DORIP1: variants seen among roughly 807,000 people sequenced by gnomAD.
DORIP1 encodes the protein dopamine receptor-interacting protein 1.
chr14:44,905,154 C>T, the DORIP1 span: 2 of 370,352 alleles, frequency 5.4e-6, no homozygotes, highest in Non-Finnish European at 4.8e-6. Context: ...AAGAAACATA[C>T]AGGTTATAAG....
the DORIP1 span, chr14:44,904,609 TAAG>T: frequency 3.8e-6 from 5 of 1,312,200 alleles, no homozygotes; most frequent in Non-Finnish European, 5.1e-6. Flanking sequence ...GACTAGCCCT[TAAG>T]AGATATTGTT....
At chr14:44,904,493 CG>C in the DORIP1 span, 1 of 1,610,756 alleles carries the variant, frequency 6.2e-7, no homozygotes, top group South Asian at 1.1e-5. Context: ...GAAGATCTGG[CG>C]TATGTACCCT....
the DORIP1 span, chr14:44,900,361 C>A: frequency 7.9e-7 from 1 of 1,258,000 alleles, no homozygotes; most frequent in Non-Finnish European, 1.1e-6. Context: ...GATTTATTTT[C>A]GTTTAAACAT....
the DORIP1 span, chr14:44,904,767 C>G: frequency 0.034 from 11,801 of 347,652 alleles, 264 homozygotes; most frequent in Non-Finnish European, 0.043. Flanking sequence ...CTAGCCCCAT[C>G]TTTTATAAGT....
chr14:44,898,680 A>G, the DORIP1 span, among the ~76,000 whole-genome samples: 5 of 152,156 alleles, frequency 3.3e-5, no homozygotes, highest in African/African-American at 1.2e-4. Context: ...TAGGCTGCAG[A>G]TTTGCCACAC....
At chr14:44,899,572 G>GT in the DORIP1 span, among the ~76,000 whole-genome samples, 10,291 of 145,770 alleles carry the variant, frequency 0.071, 852 homozygotes, top group African/African-American at 0.21. Flanking sequence ...AGCAACAGGA[G>GT]TTTTTTTTTT....
chr14:44,901,507 C>A, the DORIP1 span, among the ~76,000 whole-genome samples: 3 of 152,272 alleles, frequency 2.0e-5, no homozygotes, highest in Admixed American at 2.0e-4. Flanking sequence ...CAGCTGATAA[C>A]CTTGTCAGTA....
the DORIP1 span, among the ~76,000 whole-genome samples, chr14:44,900,204 A>G: frequency 2.0e-5 from 3 of 152,108 alleles, no homozygotes; most frequent in African/African-American, 7.2e-5. Flanking sequence ...AAAGCCTATC[A>G]AATGGCCATC....
the DORIP1 span, chr14:44,903,242 G>A: frequency 1.2e-5 from 19 of 1,613,396 alleles, no homozygotes; most frequent in East Asian, 3.8e-4. Context: ...AACTTGATAA[G>A]ACTGGCTGTG....
At chr14:44,903,174 G>A in the DORIP1 span, 2 of 1,434,658 alleles carry the variant, frequency 1.4e-6, no homozygotes, top group Non-Finnish European at 2.0e-6. Context: ...AAATGTTGAA[G>A]CAGTTCTTAC....
the DORIP1 span, chr14:44,903,436 A>G: frequency 2.0e-5 from 29 of 1,415,402 alleles, no homozygotes; most frequent in Non-Finnish European, 2.0e-5. Context: ...GTTACGGAGT[A>G]TATCACTACA....
the DORIP1 span, among the ~76,000 whole-genome samples, chr14:44,899,572 G>T: frequency 3.4e-5 from 5 of 145,996 alleles, no homozygotes; most frequent in African/African-American, 1.2e-4. Context: ...AGCAACAGGA[G>T]TTTTTTTTTT....
At chr14:44,899,495 T>C in the DORIP1 span, among the ~76,000 whole-genome samples, 1 of 152,206 alleles carries the variant, frequency 6.6e-6, no homozygotes, top group Admixed American at 6.5e-5. Flanking sequence ...CACTTAAGAT[T>C]GATTTTCATG....
At chr14:44,905,256 G>A in the DORIP1 span, 1 of 679,350 alleles carries the variant, frequency 1.5e-6, no homozygotes, top group East Asian at 3.0e-5. Context: ...CTTTTTCAGG[G>A]AACAGAATAC....
At chr14:44,899,020 T>G in the DORIP1 span, 2 of 152,314 alleles carry the variant, frequency 1.3e-5, no homozygotes, top group Admixed American at 6.5e-5. Flanking sequence ...CATTTCTCTG[T>G]TTCCACTCCT....
the DORIP1 span, chr14:44,905,687 C>A: frequency 1.8e-6 from 1 of 547,996 alleles, no homozygotes; most frequent in Non-Finnish European, 2.9e-6. Flanking sequence ...CAGTGTTTAA[C>A]CCCAGGTAAA....
chr14:44,900,766 G>A, the DORIP1 span: 1 of 1,614,038 alleles, frequency 6.2e-7, no homozygotes, highest in Non-Finnish European at 8.5e-7. Flanking sequence ...TTGGATTTGG[G>A]ACAAGATGGA....
At chr14:44,898,949 T>A in the DORIP1 span, 1 of 152,220 alleles carries the variant, frequency 6.6e-6, no homozygotes, top group East Asian at 1.9e-4. Flanking sequence ...GTTCATGTTG[T>A]GTTTGGGAGG....
the DORIP1 span, chr14:44,906,252 T>C: frequency 6.6e-6 from 1 of 152,024 alleles, no homozygotes; most frequent in African/African-American, 2.4e-5. Flanking sequence ...AAATAAATTA[T>C]ATAACTATCT....
Sources: allele counts gnomAD v4.1 joint callset (sites outside exome capture counted in the v4.1 genomes callset), GRCh38; gene constraint gnomAD v4.1.1; transcripts MANE v1.5; gene names NCBI Gene and HGNC (gene_info 2026-07-23, HGNC 2026-07-21).